The following MAP4K1 variants were observed in gnomAD, a reference collection of about 807,000 sequenced individuals.
The protein encoded by MAP4K1 is mitogen-activated protein kinase kinase kinase kinase 1.
In MAP4K1, 35 loss-of-function variants were observed where a neutral mutation model predicts 122.8. That is an observed-to-expected ratio of 0.29 (90% CI 0.22 to 0.38). MAP4K1 has a LOEUF of 0.38. MAP4K1 is among the 10% of genes least tolerant of loss of function. The probability of loss-of-function intolerance (pLI) is 1.00; values close to 1 mark genes in which losing one functional copy is unlikely to be tolerated. For synonymous variants in MAP4K1, 412 were observed against 421.3 expected, an observed-to-expected ratio of 0.98 and a Z score of 0.27; for missense variants, 791 against 1,072.6, an observed-to-expected ratio of 0.74 and a Z score of 3.67.
Position 38,593,353 on chromosome 19 carries a change from G to A in MAP4K1, c.2341-16C>T, listed in dbSNP as rs1323359574. ...CCTGTAGCAGCTAGGGAAAAAAAGT[G>A]TGTGTCTCAGTGCCTGGAAGATACC... On this transcript the variant is annotated splice_polypyrimidine_tract_variant and intron_variant, in intron 29 of 30. Transcript: ENST00000396857. 1 of 1,599,392 alleles carries A rather than the reference G, an allele frequency of 6.3e-7. No homozygotes were observed. Among genetic ancestry groups the A allele is most frequent in the Non-Finnish European group, 8.5e-7 (1 of 1,172,300 alleles).
chr19:38,615,417 A>T (rs1477194428), intron 4 of MAP4K1, among the ~76,000 whole-genome samples: 1 of 152,148 alleles, frequency 6.6e-6, no homozygotes, highest in Non-Finnish European at 1.5e-5. Context: ...ACGGAGACAG[A>T]TCATACATGA....
chr19:38,597,282 C>G lies in MAP4K1; in HGVS notation c.1837+44G>C, dbSNP rs1227332639. ...ATGCAGTTCAAGCCCCTCCTCTGGCCTGGCCCCGCCCACTCTCTGCACACC... is the reference window on the plus strand; with the variant it reads ...ATGCAGTTCAAGCCCCTCCTCTGGCGTGGCCCCGCCCACTCTCTGCACACC... On this transcript the variant is annotated intron_variant, in intron 24 of 30. Coordinates refer to ENST00000396857, the MANE Select transcript of MAP4K1 (RefSeq NM_001042600.3). This position sits in a 1 kb window ranked among gnomAD's most constrained non-coding sequence, Gnocchi z 4.6. The G allele has an allele frequency of 6.2e-7, 1 of 1,612,492 alleles. No homozygotes were observed. The highest frequency in any genetic ancestry group is 8.5e-7 in the Non-Finnish European group (1 of 1,179,146).
chr19:38,590,388 AAAAAAAATATATATAT>A (rs1359309138), intron 30 of MAP4K1, among the ~76,000 whole-genome samples: 30 of 48,788 alleles, frequency 6.1e-4, no homozygotes, highest in Non-Finnish European at 9.3e-4. Context: ...AAAAAAAAAA[AAAAAAAATATATATAT>A]ATATATATAT....
rs1975061322 is a variant in MAP4K1 at position 38,601,451 on chromosome 19, G to A, written c.1521C>T (p.Pro507=). Residue 507 remains proline, a synonymous_variant, in exon 20 of 31, where the codon CCC becomes CCT. Transcript: ENST00000396857. ...RIHSTAAWTH[P]STKDQHLLLG... ...CTCCAGAATGCCCACCCTTGGTGGA[G>A]GGATGTGTCCAGGCGGCCGTGCTGT... The A allele has an allele frequency of 4.4e-6, 7 of 1,608,290 alleles. No individual in the cohort carries two copies. Among genetic ancestry groups the A allele is most frequent in the South Asian group, 1.1e-5 (1 of 89,702 alleles).
intron 22 of MAP4K1, among the ~76,000 whole-genome samples, chr19:38,598,176 A>G (rs1341544526): frequency 1.3e-5 from 2 of 150,458 alleles, no homozygotes; most frequent in African/African-American, 4.9e-5. Flanking sequence ...GAGTAGAGGT[A>G]TGCGCCACCA....
intron 30 of MAP4K1, among the ~76,000 whole-genome samples, chr19:38,590,395 ATAT>A (rs1209052308): frequency 3.3e-3 from 65 of 19,432 alleles, no homozygotes; most frequent in African/African-American, 5.5e-3. Flanking sequence ...AAAAAAAAAA[ATAT>A]ATATATATAT....
chr19:38,609,605 C>A lies in MAP4K1; in HGVS notation c.997G>T (p.Asp333Tyr). ...AGGATTCTCTACTCACGACAGCAGTCTGCATCTGGGATCCCCAGAGAGCTG... is the reference window on the plus strand; with the variant it reads ...AGGATTCTCTACTCACGACAGCAGTATGCATCTGGGATCCCCAGAGAGCTG... ...RSSSLGIPDA[D>Y]CCRRHMEFRK... Residue 333 changes from aspartate (D) to tyrosine (Y), a missense_variant, in exon 13 of 31, where the codon GAC (aspartate) becomes TAC (tyrosine). Around this residue, in one of 4 missense-constraint regions of MAP4K1, gnomAD observed 303 missense variants for 344.8 expected, o/e 0.88. Transcript: ENST00000396857. 1 of 1,613,764 alleles carries A rather than the reference C, an allele frequency of 6.2e-7. No homozygotes were observed. The highest frequency in any genetic ancestry group is 1.1e-5 in the South Asian group (1 of 90,958).
intron 30 of MAP4K1, among the ~76,000 whole-genome samples, chr19:38,591,198 GA>G (rs371942137): frequency 1.4e-5 from 2 of 141,720 alleles, no homozygotes; most frequent in East Asian, 2.1e-4. Flanking sequence ...CTCAAGAAAA[GA>G]AAAAAAAAAG....
In MAP4K1 at chr19:38,609,584, T is replaced by G. The variant is rs1975432674; in HGVS notation, c.1006+12A>C. 1 of 1,612,158 alleles carries G rather than the reference T, an allele frequency of 6.2e-7. No individual in the cohort carries two copies. Among genetic ancestry groups the G allele is most frequent in the African/African-American group, 1.3e-5 (1 of 74,880 alleles). ...GGTCAGGTGTCCCCAAACATAAGGA[T>G]TCTCTACTCACGACAGCAGTCTGCA... On this transcript the variant is annotated intron_variant, in intron 13 of 30. Transcript: ENST00000396857.
chr19:38,603,345 T>TACACATATACATATATAC (rs1374966230), intron 19 of MAP4K1, among the ~76,000 whole-genome samples: 11 of 150,584 alleles, frequency 7.3e-5, no homozygotes, highest in African/African-American at 2.2e-4. Flanking sequence ...TATACATATA[T>TACACATATACATATATAC]ACACATATAC....
intron 4 of MAP4K1, among the ~76,000 whole-genome samples, chr19:38,615,746 C>T (rs1975628812): frequency 6.6e-6 from 1 of 152,128 alleles, no homozygotes; most frequent in South Asian, 2.1e-4. Context: ...GGTTTTCCGC[C>T]TCCCAGAATC....
intron 29 of MAP4K1, among the ~76,000 whole-genome samples, chr19:38,594,214 G>A (rs1223756351): frequency 6.6e-6 from 1 of 152,146 alleles, no homozygotes; most frequent in Non-Finnish European, 1.5e-5. Context: ...AGGTGCAGTG[G>A]CTCACACCTG....
intron 19 of MAP4K1, among the ~76,000 whole-genome samples, chr19:38,602,472 A>G (rs1975098345): frequency 6.7e-6 from 1 of 149,022 alleles, no homozygotes; most frequent in African/African-American, 2.4e-5. Flanking sequence ...ACACATATAC[A>G]TATATACACA....
chr19:38,603,851 G>A (rs1183748902), intron 19 of MAP4K1, among the ~76,000 whole-genome samples: 2 of 152,030 alleles, frequency 1.3e-5, no homozygotes, highest in Non-Finnish European at 2.9e-5. Context: ...GGGCGTGGTG[G>A]TGGGCGCCTG....
rs923660139 is a variant in MAP4K1, at chr19:38,606,295, G to A, written c.1158-80C>T. 1.3e-5 allele frequency: 9 copies of A among 686,674 alleles called. No homozygotes were observed. In the Admixed American group the frequency reaches 2.7e-4, roughly 20 times the overall value. 42.5% of individuals were successfully genotyped at this position (686,674 alleles called of 1,614,324 possible). On this transcript the variant is annotated intron_variant, in intron 16 of 30. Coordinates refer to ENST00000396857, the MANE Select transcript of MAP4K1 (RefSeq NM_001042600.3). Reference sequence around the variant, plus strand: ...GAAGATGGCATGGTTCTGGGCTGGAGGCCCGGGACTGGGGTCTGAGGTGAG... The same window carrying A: ...GAAGATGGCATGGTTCTGGGCTGGAAGCCCGGGACTGGGGTCTGAGGTGAG...
At position 38,596,491 on chromosome 19, in the gene MAP4K1, G is replaced by A. The variant is rs370828370; in HGVS notation, c.1942-5C>T. 34 of 1,542,592 alleles carry A rather than the reference G, an allele frequency of 2.2e-5. No homozygotes were observed. Among genetic ancestry groups the A allele is most frequent in the Middle Eastern group, 3.5e-4 (2 of 5,772 alleles). ...CGGCAGTGGGAACAGCACCTGCTGCGGGCCGCACAGGGAGGGGCGGGCTAG... is the reference window on the plus strand; with the variant it reads ...CGGCAGTGGGAACAGCACCTGCTGCAGGCCGCACAGGGAGGGGCGGGCTAG... On this transcript the variant is annotated splice_polypyrimidine_tract_variant and splice_region_variant and intron_variant, in intron 25 of 30. Transcript: ENST00000396857.
intron 30 of MAP4K1, among the ~76,000 whole-genome samples, chr19:38,588,885 C>T (rs1237946047): frequency 6.6e-6 from 1 of 151,510 alleles, no homozygotes; most frequent in African/African-American, 2.4e-5. Context: ...CACCACTGCA[C>T]TCCAGCCTGG....
At chr19:38,607,742 G>A (rs1375404877) in intron 16 of MAP4K1, 122 bp downstream of exon 16, 5 of 1,086,312 alleles carry the variant, frequency 4.6e-6, no homozygotes, top group Admixed American at 2.0e-5. Flanking sequence ...CTCAGGGCTC[G>A]GGGCTAGAAG....
intron 30 of MAP4K1, among the ~76,000 whole-genome samples, chr19:38,590,264 A>C (rs74720323): frequency 1 from 134,337 of 134,338 alleles, 67,168 homozygotes; most frequent in Non-Finnish European, 1. Context: ...ATTTCCTTTA[A>C]TTTTTAAAAA....
Sources: gnomAD v4.1 joint callset for allele counts (sites outside exome capture counted in the v4.1 genomes callset) on GRCh38, gnomAD v4.1.1 for gene constraint, gnomAD v4.1.1 regional missense constraint, Gnocchi (gnomAD v3.1) non-coding constraint, MANE v1.5 for transcripts, NCBI Gene and HGNC (gene_info 2026-07-23, HGNC 2026-07-21) for gene names.